Variants in ADISSP observed in about 807,000 individuals in gnomAD.
ADISSP encodes the protein adipose-secreted signaling protein.
chr20:3,764,251 C>A, the ADISSP span, among the ~76,000 whole-genome samples: 5 of 152,338 alleles, frequency 3.3e-5, no homozygotes, highest in Middle Eastern at 3.4e-3. Flanking sequence ...CCTCTGCAGC[C>A]AGGAGGCAGT....
At chr20:3,764,404 C>CT in the ADISSP span, among the ~76,000 whole-genome samples, 1 of 152,334 alleles carries the variant, frequency 6.6e-6, no homozygotes, top group South Asian at 2.1e-4. Context: ...GGCACCCTCC[C>CT]TGTCTTCCTC....
chr20:3,754,885 T>G, the ADISSP span, among the ~76,000 whole-genome samples: 1 of 152,060 alleles, frequency 6.6e-6, no homozygotes, highest in Non-Finnish European at 1.5e-5. Context: ...CAGGGTAGGC[T>G]TTGAGCAGAT....
At chr20:3,753,951 A>G in the ADISSP span, 1 of 842,088 alleles carries the variant, frequency 1.2e-6, no homozygotes, top group Non-Finnish European at 1.9e-6. Context: ...CTCCACCCCC[A>G]CACCCACCCC....
chr20:3,755,667 C>T, the ADISSP span: 1 of 1,478,588 alleles, frequency 6.8e-7, no homozygotes, highest in Admixed American at 1.8e-5. Flanking sequence ...GCAGGCCCAC[C>T]CAGTTGTGCC....
chr20:3,763,395 TA>T, the ADISSP span, among the ~76,000 whole-genome samples: 68 of 148,844 alleles, frequency 4.6e-4, no homozygotes, highest in African/African-American at 1.6e-3. Flanking sequence ...CTGTCTCTAC[TA>T]AAAAATACAA....
chr20:3,763,264 A>AAAT, the ADISSP span, among the ~76,000 whole-genome samples: 1 of 148,540 alleles, frequency 6.7e-6, no homozygotes, highest in Non-Finnish European at 1.5e-5. Context: ...TCAAAAAAAA[A>AAAT]AAAAAAAAAA....
the ADISSP span, among the ~76,000 whole-genome samples, chr20:3,757,935 A>G: frequency 6.6e-6 from 1 of 151,868 alleles, no homozygotes; most frequent in Non-Finnish European, 1.5e-5. Context: ...ACTCCTGTTC[A>G]ACTCTGGACC....
At chr20:3,762,229 G>T in the ADISSP span, among the ~76,000 whole-genome samples, 1 of 151,328 alleles carries the variant, frequency 6.6e-6, no homozygotes, top group Non-Finnish European at 1.5e-5. Flanking sequence ...CCAAGATCGC[G>T]CCACGGCACT....
At chr20:3,764,436 C>T in the ADISSP span, among the ~76,000 whole-genome samples, 1 of 152,174 alleles carries the variant, frequency 6.6e-6, no homozygotes, top group African/African-American at 2.4e-5. Context: ...CCTGACCGTC[C>T]CCCCGCCCTG....
chr20:3,758,899 G>A, the ADISSP span, among the ~76,000 whole-genome samples: 1 of 152,162 alleles, frequency 6.6e-6, no homozygotes, highest in African/African-American at 2.4e-5. This position sits in a 1 kb window ranked among gnomAD's most constrained non-coding sequence, Gnocchi z 5.5. Flanking sequence ...GAGTGAGCGT[G>A]GGGGGACTCA....
the ADISSP span, chr20:3,768,290 TC>T: frequency 6.6e-6 from 1 of 152,294 alleles, no homozygotes; most frequent in Non-Finnish European, 1.5e-5. Context: ...TTGGACCTCT[TC>T]CCCTTCCACC....
chr20:3,759,912 G>C, the ADISSP span: 1 of 1,172,124 alleles, frequency 8.5e-7, no homozygotes, highest in Non-Finnish European at 1.2e-6. This position sits in a 1 kb window ranked among gnomAD's most constrained non-coding sequence, Gnocchi z 4.6. Context: ...CCCAGAACCT[G>C]GCACAAACAC....
At chr20:3,758,076 T>TA in the ADISSP span, among the ~76,000 whole-genome samples, 60 of 151,694 alleles carry the variant, frequency 4.0e-4, no homozygotes, top group African/African-American at 6.0e-4. The surrounding 1 kb of genome is among the most constrained non-coding windows in gnomAD (Gnocchi z 5.5). Flanking sequence ...AAAGAAGGGT[T>TA]AAAAAAAAAG....
At chr20:3,766,660 G>T in the ADISSP span, among the ~76,000 whole-genome samples, 3 of 152,148 alleles carry the variant, frequency 2.0e-5, no homozygotes, top group East Asian at 5.8e-4. Flanking sequence ...GGATCCAGGG[G>T]GTCAGCCAAG....
chr20:3,760,517 G>C, the ADISSP span, among the ~76,000 whole-genome samples: 1 of 152,198 alleles, frequency 6.6e-6, no homozygotes, highest in Admixed American at 6.5e-5. Context: ...CTGGAAAGGA[G>C]GACTTTATTG....
the ADISSP span, chr20:3,754,513 C>T: frequency 2.5e-6 from 4 of 1,612,688 alleles, no homozygotes; most frequent in South Asian, 4.4e-5. Flanking sequence ...ACACTTGACA[C>T]TATAACCTGC....
At chr20:3,761,336 GT>G in the ADISSP span, among the ~76,000 whole-genome samples, 75 of 141,608 alleles carry the variant, frequency 5.3e-4, no homozygotes, top group South Asian at 9.1e-4. Context: ...TATGGTTTTT[GT>G]TTTTTTTTTT....
the ADISSP span, among the ~76,000 whole-genome samples, chr20:3,765,451 C>T: frequency 3.3e-5 from 5 of 152,220 alleles, no homozygotes; most frequent in Non-Finnish European, 7.3e-5. Context: ...TCCCTGTTTC[C>T]TAATGTGTAA....
At chr20:3,754,427 C>T in the ADISSP span, 1 of 1,614,060 alleles carries the variant, frequency 6.2e-7, no homozygotes. Context: ...GTCACGCGCA[C>T]ACAGGTGCCA....
Sources: allele counts gnomAD v4.1 joint callset (sites outside exome capture counted in the v4.1 genomes callset), GRCh38; gene constraint gnomAD v4.1.1; non-coding constraint Gnocchi (gnomAD v3.1); transcripts MANE v1.5; gene names NCBI Gene and HGNC (gene_info 2026-07-23, HGNC 2026-07-21).